SYBU: variants seen among roughly 807,000 people sequenced by gnomAD.
The protein encoded by SYBU is GOLSYN A protein.
Under a neutral mutation model 35.9 loss-of-function variants are expected in SYBU, and 21 were observed. The observed-to-expected ratio is 0.58, with a 90% CI of 0.41 to 0.84. The LOEUF (loss-of-function observed/expected upper bound fraction) is 0.84. Among genes scored for constraint, SYBU ranks in the 40% least tolerant of loss-of-function variants. SYBU has a pLI of 0.00. For synonymous variants in SYBU, 319 were observed against 324.3 expected, an observed-to-expected ratio of 0.98 and a Z score of 0.18; for missense variants, 768 against 848.2, an observed-to-expected ratio of 0.91 and a Z score of 1.17.
At chr8:109,636,267 G>A (rs1013424602) in intron 2 of SYBU, among the ~76,000 whole-genome samples, 4 of 152,192 alleles carry the variant, frequency 2.6e-5, no homozygotes, top group African/African-American at 9.7e-5. Flanking sequence ...AATGTGAGAA[G>A]CCAATGCAAA....
Position 109,618,995 on chromosome 8 carries a change from T to A in SYBU, c.274A>T (p.Thr92Ser). Residue 92 changes from threonine to serine, a missense_variant, in exon 3 of 7, where the codon ACA becomes TCA. Coordinates refer to ENST00000276646, the MANE Select transcript of SYBU (RefSeq NM_001099754.2). ...PSSQSVSPVK[T>S]PSDAGNSPIG... is the part of the protein sequence containing the mutation. ...GGGCTGTTTCCAGCATCTGAGGGTGTCTTCACAGGAGACACTGACTGGCTG... is the reference window on the plus strand; with the variant it reads ...GGGCTGTTTCCAGCATCTGAGGGTGACTTCACAGGAGACACTGACTGGCTG... 3 of 1,614,072 alleles carry A rather than the reference T, an allele frequency of 1.9e-6. No individual in the cohort carries two copies. Among genetic ancestry groups the A allele is most frequent in the Non-Finnish European group, 2.5e-6 (3 of 1,179,990 alleles).
At chr8:109,658,675 C>CA (rs1269495709) in intron 1 of SYBU, among the ~76,000 whole-genome samples, 1 of 133,544 alleles carries the variant, frequency 7.5e-6, no homozygotes, top group Non-Finnish European at 1.5e-5. Context: ...ATATTCATGG[C>CA]CGGCATGGTG....
At chr8:109,688,277 T>C (rs2130792011) in intron 1 of SYBU, among the ~76,000 whole-genome samples, 1 of 152,342 alleles carries the variant, frequency 6.6e-6, no homozygotes, top group South Asian at 2.1e-4. Flanking sequence ...GTATGATTCA[T>C]ATTCAGAGAT....
chr8:109,686,504 C>T (rs541983627), intron 1 of SYBU, among the ~76,000 whole-genome samples: 3 of 152,198 alleles, frequency 2.0e-5, no homozygotes, highest in East Asian at 3.9e-4. Flanking sequence ...CATTCCATAC[C>T]ATTTAAAGTT....
intron 1 of SYBU, among the ~76,000 whole-genome samples, chr8:109,651,448 C>CT (rs535652540): frequency 0.052 from 3,340 of 64,428 alleles, 870 homozygotes; most frequent in Non-Finnish European, 0.076. Context: ...GAAATTGAGA[C>CT]TTTTTTTTTT....
At chr8:109,664,755 A>G (rs536862280) in intron 1 of SYBU, among the ~76,000 whole-genome samples, 1 of 152,306 alleles carries the variant, frequency 6.6e-6, no homozygotes, top group African/African-American at 2.4e-5. Flanking sequence ...GACCGAAAAC[A>G]TAGAAAAGAG....
rs1309569047 is a variant in SYBU at position 109,596,427 on chromosome 8, A to G, written c.428-10265T>C. 2.6e-5 allele frequency among the ~76,000 whole-genome samples: 4 copies of G among 152,318 alleles called. No homozygotes were observed. In the East Asian group the frequency reaches 7.7e-4, roughly 29 times the overall value. ...ACCACCAATCCATCACAAAAACTAG[A>G]ACAGTGACACTAACTTACATGCATT... On this transcript the variant is annotated intron_variant, in intron 3 of 6. Coordinates refer to ENST00000276646, the MANE Select transcript of SYBU (RefSeq NM_001099754.2).
intron 1 of SYBU, among the ~76,000 whole-genome samples, chr8:109,659,776 T>G (rs529990877): frequency 1.0e-3 from 159 of 152,324 alleles, no homozygotes; most frequent in Middle Eastern, 0.01. Context: ...TAGGCACACT[T>G]TAATGAATTG....
chr8:109,613,802 T>C lies in SYBU; in HGVS notation c.427+5040A>G, dbSNP rs542872306. Among the ~76,000 whole-genome samples the C allele has an allele frequency of 1.1e-3, 161 of 152,366 alleles. 2 individuals are homozygous for C. The highest frequency in any genetic ancestry group is 3.7e-3 in the African/African-American group (153 of 41,590). ...CCTCTATTAAGGGAATCAGTGTTGA[T>C]TAACCACTAACCTTGTTGGTGCCTT... On this transcript the variant is annotated intron_variant, in intron 3 of 6. Transcript: ENST00000276646.
chr8:109,658,951 GC>G (rs1424206393), intron 1 of SYBU, among the ~76,000 whole-genome samples: 1 of 146,160 alleles, frequency 6.8e-6, no homozygotes, highest in East Asian at 2.3e-4. Flanking sequence ...GCGAGACTCT[GC>G]CTAAAAAAAA....
At chr8:109,599,989 G>T (rs1825335847) in intron 3 of SYBU, among the ~76,000 whole-genome samples, 1 of 152,082 alleles carries the variant, frequency 6.6e-6, no homozygotes, top group Non-Finnish European at 1.5e-5. Flanking sequence ...TGTTCTTCAG[G>T]TCTCAGTTTA....
At chr8:109,634,292 T>A (rs898856631) in intron 2 of SYBU, among the ~76,000 whole-genome samples, 1 of 152,174 alleles carries the variant, frequency 6.6e-6, no homozygotes, top group African/African-American at 2.4e-5. Flanking sequence ...AGCAAAAAGA[T>A]CTCTCTTCTA....
intron 2 of SYBU, among the ~76,000 whole-genome samples, chr8:109,619,391 T>C (rs1013443035): frequency 3.9e-5 from 6 of 152,010 alleles, no homozygotes; most frequent in Non-Finnish European, 8.8e-5. Context: ...GCCCGGGTAT[T>C]TTTTGTGTGT....
At chr8:109,576,136 C>A in intron 6 of SYBU, 123 bp from the exon 7 acceptor site, 1 of 1,198,904 alleles carries the variant, frequency 8.3e-7, no homozygotes, top group South Asian at 1.8e-5. Flanking sequence ...TACTCTTCCA[C>A]TTGAAATACA....
At chr8:109,648,957 C>G (rs1045211998), upstream of SYBU, 1 of 148,332 alleles carries the variant, frequency 6.7e-6, no homozygotes, top group Non-Finnish European at 1.5e-5. Context: ...TGCCTGTTTT[C>G]CCATAAGAGC....
intron 5 of SYBU, among the ~76,000 whole-genome samples, chr8:109,578,928 T>C (rs965343794): frequency 3.9e-5 from 6 of 152,214 alleles, no homozygotes; most frequent in African/African-American, 1.4e-4. Context: ...CTTCCTCTAC[T>C]TAACTCTCCC....
chr8:109,643,305 T>C (rs984243640), intron 1 of SYBU: 4 of 407,862 alleles, frequency 9.8e-6, no homozygotes, highest in African/African-American at 6.5e-5. Flanking sequence ...CACCACACTC[T>C]GGCTTACTTG....
rs552962923 is a variant in SYBU, at chr8:109,691,341, G to T, written c.-66C>A. The T allele has an allele frequency of 1.4e-5, 10 of 701,838 alleles. No individual in the cohort carries two copies. The highest frequency in any genetic ancestry group is 3.0e-5 in the South Asian group (2 of 67,446). 43.5% of individuals were successfully genotyped at this position (701,838 alleles called of 1,614,324 possible). ...AGGCGCCCCGGTCTTACCCTTTCTC[G>T]CCCAGAAGGGCCCCATCGCGCTGTC... On this transcript the variant is annotated 5_prime_UTR_variant, in exon 1 of 8. Transcript: ENST00000422135. The surrounding 1 kb of genome is among the most constrained non-coding windows in gnomAD (Gnocchi z 4.7).
At chr8:109,624,323 A>T (rs1326105253) in intron 2 of SYBU, among the ~76,000 whole-genome samples, 2 of 152,252 alleles carry the variant, frequency 1.3e-5, no homozygotes, top group African/African-American at 4.8e-5. Flanking sequence ...AAGAATTAGC[A>T]TATATTTTTA....
Sources: allele counts gnomAD v4.1 joint callset (sites outside exome capture counted in the v4.1 genomes callset), GRCh38; gene constraint gnomAD v4.1.1; non-coding constraint Gnocchi (gnomAD v3.1); transcripts MANE v1.5; gene names NCBI Gene and HGNC (gene_info 2026-07-23, HGNC 2026-07-21).